Variants in FBXW7 observed in about 807,000 individuals in gnomAD.
FBXW7 encodes F-box and WD repeat domain containing 7.
FBXW7 carries 11 observed loss-of-function variants against 86.3 expected under a neutral mutation model. The observed-to-expected ratio is 0.13, with a 90% CI of 0.08 to 0.21. The LOEUF (loss-of-function observed/expected upper bound fraction) is 0.21. Ranked by LOEUF, FBXW7 falls within the 10% of genes least tolerant of loss-of-function variation. The probability of loss-of-function intolerance (pLI) is 1.00; values close to 1 mark genes in which losing one functional copy is unlikely to be tolerated. For missense variants in FBXW7, 488 were observed against 847.4 expected (o/e 0.58, Z 5.27); for synonymous variants, 313 against 297.9 (o/e 1.05, Z -0.52).
In FBXW7 at chr4:152,377,771, A is replaced by C. The variant is rs951602212; in HGVS notation, c.502-27647T>G. ...GTCTGTCTCAAAAAAAAAAAAAAAA[A>C]ATCAGAGTGATTAGATACGCAAAAA... On this transcript the variant is annotated intron_variant, in intron 4 of 13. Transcript: ENST00000281708. Among the ~76,000 whole-genome samples, 12 of 151,676 alleles carry C rather than the reference A, an allele frequency of 7.9e-5. 1 individual carries two copies. The South Asian group carries it at 2.3e-3, about 29-fold the overall frequency.
rs1338670290 is a variant in FBXW7, at chr4:152,535,047, G to A, written c.-212-14C>T. On this transcript the variant is annotated splice_polypyrimidine_tract_variant and intron_variant, in intron 1 of 13. Coordinates refer to ENST00000281708, the MANE Select transcript of FBXW7 (RefSeq NM_001349798.2). ...TCCGGCGCGGTACTGAGGAAGAAGC[G>A]GTGCTCGTGTCGCTAAACCAGGCGG... 1 of 152,362 alleles carries A rather than the reference G, an allele frequency of 6.6e-6. No individual in the cohort carries two copies. The highest frequency in any genetic ancestry group is 2.4e-5 in the African/African-American group (1 of 41,454). 9.4% of individuals were successfully genotyped at this position (152,362 alleles called of 1,614,324 possible).
intron 2 of FBXW7, among the ~76,000 whole-genome samples, chr4:152,497,834 A>G (rs1746507340): frequency 6.6e-6 from 1 of 152,220 alleles, no homozygotes; most frequent in African/African-American, 2.4e-5. Flanking sequence ...ATTTGCCAAA[A>G]GGTAGAACTG....
Position 152,411,407 on chromosome 4 carries a change from T to C in FBXW7, c.397A>G (p.Arg133Gly), listed in dbSNP as rs6842544. 9.3e-4 allele frequency: 1,508 copies of C among 1,613,712 alleles called. 12 individuals carry two copies. The African/African-American group carries it at 0.018, about 19-fold the overall frequency. Reference protein sequence around the residue: ...DDFDQSDDSSREDEHTHTNSV... With the variant: ...DDFDQSDDSSGEDEHTHTNSV... The stretch of plus-strand genomic sequence containing the variant: ...TTAGTATGTGTATGTTCATCTTCTC[T>C]GCTACTATCATCAGACTGATCAAAA... Residue 133 changes from arginine to glycine, a missense_variant, in exon 4 of 14, where the codon AGA becomes GGA. By Grantham distance (125) the Arg-to-Gly change is moderately radical. This residue lies in a region of FBXW7 where 230 missense variants were observed against 240.0 expected (regional missense o/e 0.96). Transcript: ENST00000281708.
chr4:152,328,107 T>A (rs1211839908), intron 11 of FBXW7, 101 bp downstream of exon 11: 18 of 923,452 alleles, frequency 1.9e-5, no homozygotes, highest in Non-Finnish European at 2.4e-5. Context: ...AAATCTAATT[T>A]AAGAGCACAC....
At chr4:152,489,077 C>T (rs1170700333) in intron 2 of FBXW7, among the ~76,000 whole-genome samples, 2 of 152,080 alleles carry the variant, frequency 1.3e-5, no homozygotes, top group East Asian at 1.9e-4. Context: ...AGAGAATAGT[C>T]TATTTTAGGT....
intron 4 of FBXW7, among the ~76,000 whole-genome samples, chr4:152,383,380 T>C (rs887541903): frequency 1.3e-5 from 2 of 152,148 alleles, no homozygotes; most frequent in African/African-American, 4.8e-5. Flanking sequence ...AGTCTGGAGA[T>C]GAAGACTCTC....
intron 12 of FBXW7, 45 bp downstream of exon 12, chr4:152,325,961 A>G: frequency 6.6e-7 from 1 of 1,513,102 alleles, no homozygotes; most frequent in Non-Finnish European, 9.2e-7. Context: ...AAACAACCTT[A>G]TGATTCATCA....
chr4:152,519,640 A>G (rs1748825747), intron 2 of FBXW7, among the ~76,000 whole-genome samples: 1 of 152,244 alleles, frequency 6.6e-6, no homozygotes, highest in Non-Finnish European at 1.5e-5. Flanking sequence ...GTTAATGCAA[A>G]TCAATTCAAA....
At chr4:152,328,157 T>C (rs1578881591) in intron 11 of FBXW7, 51 bp downstream of exon 11, 1 of 1,506,358 alleles carries the variant, frequency 6.6e-7, no homozygotes, top group Non-Finnish European at 9.0e-7. Flanking sequence ...AGGGCCCAAA[T>C]TCACCAATAA....
At chr4:152,507,975 G>A (rs1203433807) in intron 2 of FBXW7, among the ~76,000 whole-genome samples, 1 of 151,976 alleles carries the variant, frequency 6.6e-6, no homozygotes, top group East Asian at 1.9e-4. Context: ...GGCTAAGGCA[G>A]GGGGATCACT....
intron 2 of FBXW7, among the ~76,000 whole-genome samples, chr4:152,518,033 G>C (rs1464146346): frequency 1.3e-5 from 2 of 151,774 alleles, no homozygotes; most frequent in Admixed American, 6.6e-5. Flanking sequence ...GTGTCGCCCA[G>C]GCTGGAGTGC....
rs537826659 is a variant in FBXW7, at chr4:152,320,977, G to A, written c.*1904C>T. 6.3e-6 allele frequency: 1 copy of A among 159,528 alleles called. No homozygotes were observed. The highest frequency in any genetic ancestry group is 2.0e-4 in the South Asian group (1 of 4,890). The allele number at this position is 159,528 out of a possible 1,614,324, so 9.9% of individuals were successfully genotyped here. ...GTTGTAATTATCACAAAAGTTTTGT[G>A]GATTCTTTGAGGGAACCAGATTTCA... On this transcript the variant is annotated 3_prime_UTR_variant, in exon 14 of 14. Transcript: ENST00000281708.
chr4:152,505,102 A>G (rs1747288381), intron 2 of FBXW7, among the ~76,000 whole-genome samples: 1 of 152,218 alleles, frequency 6.6e-6, no homozygotes, highest in Non-Finnish European at 1.5e-5. Flanking sequence ...ATGTTACTGT[A>G]CTGAATACTG....
intron 2 of FBXW7, among the ~76,000 whole-genome samples, chr4:152,461,827 T>C (rs1256591143): frequency 6.6e-6 from 1 of 152,206 alleles, no homozygotes; most frequent in Admixed American, 6.5e-5. Context: ...ACTGCAAACT[T>C]CAGTAAGTCC....
At chr4:152,488,363 G>A (rs181271390) in intron 2 of FBXW7, among the ~76,000 whole-genome samples, 4 of 152,098 alleles carry the variant, frequency 2.6e-5, no homozygotes, top group Admixed American at 6.6e-5. Flanking sequence ...GAAGGTCAAC[G>A]GCTTTCACTT....
intron 2 of FBXW7, among the ~76,000 whole-genome samples, chr4:152,475,627 T>A (rs1033860023): frequency 6.6e-5 from 10 of 152,132 alleles, no homozygotes; most frequent in Non-Finnish European, 1.2e-4. Flanking sequence ...ATATAGAAAA[T>A]CCAAAGGGTT....
intron 6 of FBXW7, among the ~76,000 whole-genome samples, chr4:152,339,663 C>G (rs994237954): frequency 1.8e-4 from 27 of 152,012 alleles, no homozygotes; most frequent in Non-Finnish European, 2.8e-4. Flanking sequence ...TAGCTTAGGC[C>G]AGGTGTGTTG....
chr4:152,453,196 A>G (rs1458087249), intron 2 of FBXW7, among the ~76,000 whole-genome samples: 2 of 152,188 alleles, frequency 1.3e-5, no homozygotes, highest in Non-Finnish European at 2.9e-5. Context: ...AAAAGAAGAA[A>G]AAAACTTAAT....
intron 2 of FBXW7, among the ~76,000 whole-genome samples, chr4:152,425,249 T>C (rs951884722): frequency 2.0e-5 from 3 of 152,236 alleles, no homozygotes; most frequent in Non-Finnish European, 4.4e-5. Context: ...AAAAGTTGCA[T>C]GTGGCCTCTC....
Sources: allele counts gnomAD v4.1 joint callset (sites outside exome capture counted in the v4.1 genomes callset), GRCh38; gene constraint gnomAD v4.1.1; regional missense constraint gnomAD v4.1.1; transcripts MANE v1.5; gene names NCBI Gene and HGNC (gene_info 2026-07-23, HGNC 2026-07-21).